Variants in AKAP13 observed in about 807,000 individuals in gnomAD.
AKAP13 encodes A-kinase anchor protein 13.
In AKAP13, 80 loss-of-function variants were observed where a neutral mutation model predicts 264.5. The observed-to-expected ratio is 0.30, with a 90% confidence interval of 0.25 to 0.36. The LOEUF is 0.36. Ranked by LOEUF, AKAP13 falls within the 10% of genes least tolerant of loss-of-function variation. AKAP13 has a pLI of 1.00. For synonymous variants in AKAP13, 1,380 were observed against 1,250.2 expected (o/e 1.10, Z -2.19); for missense variants, 3,712 against 3,435.2 (o/e 1.08, Z -2.01).
intron 1 of AKAP13, among the ~76,000 whole-genome samples, chr15:85,411,269 A>C (rs2071950963): frequency 6.6e-6 from 1 of 152,180 alleles, no homozygotes; most frequent in Admixed American, 6.5e-5. Flanking sequence ...AGTTCCACTT[A>C]ATGTCTGTGA....
intron 1 of AKAP13, among the ~76,000 whole-genome samples, chr15:85,442,203 A>T (rs1218750921): frequency 1.3e-5 from 2 of 151,322 alleles, no homozygotes; most frequent in South Asian, 2.1e-4. Context: ...CGAGGTCAGG[A>T]GTTCGAGACC....
intron 19 of AKAP13, among the ~76,000 whole-genome samples, chr15:85,715,541 TC>T (rs1465118514): frequency 6.6e-6 from 1 of 151,914 alleles, no homozygotes; most frequent in Non-Finnish European, 1.5e-5. Flanking sequence ...AACTTACAGT[TC>T]CAGGGCAAAT....
chr15:85,485,402 T>G (rs1453457506), intron 1 of AKAP13, among the ~76,000 whole-genome samples: 2 of 152,198 alleles, frequency 1.3e-5, no homozygotes, highest in Non-Finnish European at 2.9e-5. Flanking sequence ...CATACAATGG[T>G]TTTGCTTTGA....
At chr15:85,495,559 A>G (rs115494465) in intron 2 of AKAP13, among the ~76,000 whole-genome samples, 8 of 152,154 alleles carry the variant, frequency 5.3e-5, no homozygotes, top group African/African-American at 1.2e-4. Context: ...GCCAAACAGC[A>G]TATTTTTGCC....
chr15:85,689,861 C>T (rs2085176919), intron 16 of AKAP13: 1 of 152,236 alleles, frequency 6.6e-6, no homozygotes, highest in Admixed American at 6.5e-5. Flanking sequence ...ACAGTTAAGA[C>T]TGTCTTAAGG....
At chr15:85,565,026 C>T (rs564193201) in intron 5 of AKAP13, among the ~76,000 whole-genome samples, 1 of 152,216 alleles carries the variant, frequency 6.6e-6, no homozygotes, top group East Asian at 1.9e-4. Context: ...ATATTAATTA[C>T]CTCATGACAG....
At chr15:85,415,692 A>C in intron 1 of AKAP13, 1 of 914,484 alleles carries the variant, frequency 1.1e-6, no homozygotes, top group Non-Finnish European at 1.7e-6. Context: ...GCTCAGTTCA[A>C]TGAGCAAATC....
intron 2 of AKAP13, among the ~76,000 whole-genome samples, chr15:85,511,249 C>G (rs1220067934): frequency 1.3e-5 from 2 of 152,164 alleles, no homozygotes; most frequent in African/African-American, 4.8e-5. Context: ...GCCTGTTTCT[C>G]TGGATCCATT....
At chr15:85,517,360 T>TTC (rs397692574) in intron 2 of AKAP13, among the ~76,000 whole-genome samples, 51 of 150,984 alleles carry the variant, frequency 3.4e-4, no homozygotes, top group Non-Finnish European at 6.6e-4. Flanking sequence ...CTTTTTTTTT[T>TTC]CCCCCCATCA....
chr15:85,464,828 C>T (rs12906308), intron 1 of AKAP13, among the ~76,000 whole-genome samples: 69,989 of 152,110 alleles, frequency 0.46, 16,837 homozygotes, highest in East Asian at 0.78. Flanking sequence ...CCTTTTTCTT[C>T]TTTTACTAGT....
chr15:85,384,280 GT>G (rs1486084855), intron 1 of AKAP13, among the ~76,000 whole-genome samples: 4 of 152,200 alleles, frequency 2.6e-5, no homozygotes, highest in African/African-American at 9.7e-5. Flanking sequence ...TTCTTTTAAA[GT>G]TAACATCTGG....
rs374873739 is a variant in AKAP13, at chr15:85,415,205, C to T, written c.-12+34407C>T. Reference sequence around the variant, plus strand: ...ACGCCGACGCAGACCCCGCTCTGCACGCCAGCTCGCCCGCACCCCTCATGG... The same window carrying T: ...ACGCCGACGCAGACCCCGCTCTGCATGCCAGCTCGCCCGCACCCCTCATGG... On this transcript the variant is annotated intron_variant, in intron 1 of 36. Coordinates refer to ENST00000394518, the MANE Select transcript of AKAP13 (RefSeq NM_007200.5). 685 of 1,484,324 alleles carry T rather than the reference C, an allele frequency of 4.6e-4. 5 individuals carry two copies. In the African/African-American group the frequency reaches 7.7e-3, roughly 17 times the overall value. 91.9% of individuals were successfully genotyped at this position (1,484,324 alleles called of 1,614,324 possible). A position where few individuals can be genotyped will look rare whatever the true frequency, so the allele number is the denominator to read the frequency against.
rs1021026767 is a variant in AKAP13, at chr15:85,623,154, G to A, written c.4162-16220G>A. On this transcript the variant is annotated intron_variant, in intron 8 of 36. Transcript: ENST00000394518. Reference sequence around the variant, plus strand: ...CCTGTGCCACATAAATTCTCAAGCCGTCATGTGCACTTTCTCCACTTTTAT... The same window carrying A: ...CCTGTGCCACATAAATTCTCAAGCCATCATGTGCACTTTCTCCACTTTTAT... Among the ~76,000 whole-genome samples, 12 of 152,108 alleles carry A rather than the reference G, an allele frequency of 7.9e-5. 1 individual carries two copies. The highest frequency in any genetic ancestry group is 2.0e-4 in the Admixed American group (3 of 15,278).
At chr15:85,702,055 C>A (rs1434052108) in intron 17 of AKAP13, 3 of 152,044 alleles carry the variant, frequency 2.0e-5, no homozygotes, top group African/African-American at 7.2e-5. Flanking sequence ...ACCAGCCTGA[C>A]CAACATGGTG....
At chr15:85,390,194 A>G (rs1301428204) in intron 1 of AKAP13, among the ~76,000 whole-genome samples, 3 of 152,196 alleles carry the variant, frequency 2.0e-5, no homozygotes, top group African/African-American at 7.2e-5. Flanking sequence ...GCTGCCGTTA[A>G]TCTATATCCT....
rs1181315685 is a variant in AKAP13, at chr15:85,544,177, C to T, written c.662+222C>T. ...TGTTAACCATTTTCTCTCTCGTCTG[C>T]CTGCCTGCCTTCTTCAATTCTTATC... On this transcript the variant is annotated intron_variant, in intron 5 of 36. Transcript: ENST00000394518. 6 of 677,974 alleles carry T rather than the reference C, an allele frequency of 8.8e-6. No homozygotes were observed. The East Asian group carries it at 1.4e-4, about 16-fold the overall frequency. 42.0% of individuals were successfully genotyped at this position (677,974 alleles called of 1,614,324 possible).
At chr15:85,526,028 T>A (rs564502553) in intron 3 of AKAP13, among the ~76,000 whole-genome samples, 1 of 152,342 alleles carries the variant, frequency 6.6e-6, no homozygotes, top group South Asian at 2.1e-4. Context: ...GAGTTCTTGT[T>A]TGAAGAACTA....
chr15:85,717,399 G>A lies in AKAP13; in HGVS notation c.5845G>A (p.Glu1949Lys), dbSNP rs755640284. 1.2e-5 allele frequency: 19 copies of A among 1,605,558 alleles called. No individual in the cohort carries two copies. The highest frequency in any genetic ancestry group is 1.6e-5 in the Non-Finnish European group (19 of 1,173,228). ...TGAGTCAACAGAATCACTTACTGATGAGGGTAAGAGGAAGTTATGGCCTTT... is the reference window on the plus strand; with the variant it reads ...TGAGTCAACAGAATCACTTACTGATAAGGGTAAGAGGAAGTTATGGCCTTT... ...VNESTESLTD[E>K]GVGTDMNEGQ... The change falls in exon 21 of 37, where the codon GAG becomes AAG. Residue 1949 changes from glutamate (E) to lysine (K), a missense_variant. By Grantham distance (56) the Glu-to-Lys change is moderately conservative. Around this residue, in one of 3 missense-constraint regions of AKAP13, gnomAD observed 2,759 missense variants for 2,411.7 expected, o/e 1.14. Transcript: ENST00000394518.
Position 85,581,677 on chromosome 15 carries a change from C to T in AKAP13, c.3609C>T (p.Ala1203=), listed in dbSNP as rs2079144047. The change falls in exon 7 of 37, where the codon GCC becomes GCT. Residue 1203 remains alanine (A), a synonymous_variant. Coordinates refer to ENST00000394518, the MANE Select transcript of AKAP13 (RefSeq NM_007200.5). ...TCCCCACAGACATGGAGCTCTCAGCCCATGATGATGGGGCCCCAGCTGGTG... is the reference window on the plus strand; with the variant it reads ...TCCCCACAGACATGGAGCTCTCAGCTCATGATGATGGGGCCCCAGCTGGTG... The part of the protein sequence containing the change: ...KELPTDMELS[A]HDDGAPAGVR... 2.5e-6 allele frequency: 4 copies of T among 1,614,010 alleles called. No individual in the cohort carries two copies. Among genetic ancestry groups the T allele is most frequent in the Non-Finnish European group, 2.5e-6 (3 of 1,180,044 alleles).
Sources: allele counts gnomAD v4.1 joint callset (sites outside exome capture counted in the v4.1 genomes callset), GRCh38; gene constraint gnomAD v4.1.1; regional missense constraint gnomAD v4.1.1; transcripts MANE v1.5; gene names NCBI Gene and HGNC (gene_info 2026-07-23, HGNC 2026-07-21).